HDAC4: variants seen among roughly 807,000 people sequenced by gnomAD.
The protein encoded by HDAC4 is histone deacetylase 4.
A neutral mutation model predicts 135.1 loss-of-function variants in HDAC4; 16 were observed. That is an observed-to-expected ratio of 0.12 (90% CI 0.08 to 0.18). The LOEUF (loss-of-function observed/expected upper bound fraction) is 0.18, where lower values mean the gene tolerates loss of function less well. HDAC4 is among the 10% of genes least tolerant of loss of function. The pLI is 1.00. For missense variants in HDAC4, 1,143 were observed against 1,511.8 expected, an observed-to-expected ratio of 0.76 and a Z score of 4.05; for synonymous variants, 685 against 653.4, an observed-to-expected ratio of 1.05 and a Z score of -0.74.
chr2:239,194,821 A>G (rs1450375114), intron 3 of HDAC4, among the ~76,000 whole-genome samples: 4 of 152,232 alleles, frequency 2.6e-5, no homozygotes, highest in African/African-American at 9.6e-5. Flanking sequence ...GCAGGCAGGC[A>G]GGGCTCCTTC....
At chr2:239,340,661 GTA>G (rs1350393159) in intron 2 of HDAC4, among the ~76,000 whole-genome samples, 1 of 152,200 alleles carries the variant, frequency 6.6e-6, no homozygotes, top group African/African-American at 2.4e-5. Context: ...ATGCTCACGT[GTA>G]TGTTTGTGTT....
At chr2:239,185,240 T>C (rs972162291) in intron 4 of HDAC4, among the ~76,000 whole-genome samples, 2 of 150,472 alleles carry the variant, frequency 1.3e-5, no homozygotes, top group African/African-American at 2.4e-5. Context: ...CTGTATCTCC[T>C]GGGAAGAGTT....
At chr2:239,066,645 G>A (rs559518955) in intron 24 of HDAC4, 77 bp downstream of exon 24, 2 of 1,603,356 alleles carry the variant, frequency 1.2e-6, no homozygotes, top group South Asian at 1.1e-5. Context: ...TCATGCTCTG[G>A]GGCTCTCGGG....
chr2:239,333,538 A>G lies in HDAC4; in HGVS notation c.22+19140T>C, dbSNP rs74333144. On this transcript the variant is annotated intron_variant, in intron 2 of 26. Transcript: ENST00000543185. The stretch of plus-strand genomic sequence containing the variant: ...ATAAGCAATGTAAATTCAACAGTAT[A>G]TAAAAAGAATAACACATTATAATAA... 4.1e-4 allele frequency among the ~76,000 whole-genome samples: 63 copies of G among 152,326 alleles called. 1 individual carries two copies. The East Asian group carries it at 8.1e-3, about 20-fold the overall frequency.
At chr2:239,136,275 G>T (rs550124841) in intron 9 of HDAC4, among the ~76,000 whole-genome samples, 1 of 152,306 alleles carries the variant, frequency 6.6e-6, no homozygotes, top group South Asian at 2.1e-4. Flanking sequence ...TCCCCCAGAT[G>T]AATGAGAAAA....
At chr2:239,315,516 G>T (rs991025363) in intron 2 of HDAC4, among the ~76,000 whole-genome samples, 2 of 152,084 alleles carry the variant, frequency 1.3e-5, no homozygotes, top group African/African-American at 4.8e-5. Context: ...GCTAAAACAC[G>T]CCTCAAAGCC....
At chr2:239,118,940 T>TG (rs1304481509) in intron 12 of HDAC4, among the ~76,000 whole-genome samples, 3 of 152,134 alleles carry the variant, frequency 2.0e-5, no homozygotes, top group South Asian at 2.1e-4. Context: ...AGAGGCCCTG[T>TG]GGGGGGCAGG....
intron 13 of HDAC4, 122 bp downstream of exon 13, chr2:239,114,931 C>T (rs1575077900): frequency 1.2e-5 from 14 of 1,183,604 alleles, no homozygotes; most frequent in Non-Finnish European, 1.7e-5. Context: ...ACAGGTGAGA[C>T]ACTGGACAGT....
At chr2:239,395,743 G>T (rs968070866) in intron 1 of HDAC4, among the ~76,000 whole-genome samples, 4 of 152,078 alleles carry the variant, frequency 2.6e-5, no homozygotes, top group African/African-American at 9.7e-5. Context: ...ACACATGGAG[G>T]ATGCCACAGT....
At chr2:239,348,731 G>A (rs748307821) in intron 2 of HDAC4, among the ~76,000 whole-genome samples, 2 of 152,202 alleles carry the variant, frequency 1.3e-5, no homozygotes, top group Admixed American at 6.5e-5. Flanking sequence ...GGCAAGGGGC[G>A]TAAGGCTCCA....
chr2:239,338,452 G>C (rs752421228), intron 2 of HDAC4, among the ~76,000 whole-genome samples: 3 of 152,010 alleles, frequency 2.0e-5, no homozygotes, highest in African/African-American at 7.3e-5. Context: ...TTCTCACACC[G>C]ACCTTCGTCC....
At chr2:239,277,152 T>C (rs2050417302) in intron 2 of HDAC4, among the ~76,000 whole-genome samples, 1 of 152,198 alleles carries the variant, frequency 6.6e-6, no homozygotes, top group Non-Finnish European at 1.5e-5. Context: ...GCACCTGGTA[T>C]AGTGGGGTCC....
chr2:239,366,193 C>T (rs985184767), intron 1 of HDAC4, among the ~76,000 whole-genome samples: 2 of 150,908 alleles, frequency 1.3e-5, no homozygotes, highest in African/African-American at 4.9e-5. Context: ...GTGACACATA[C>T]AGACATGCAT....
At chr2:239,107,388 A>T (rs913398030) in intron 15 of HDAC4, among the ~76,000 whole-genome samples, 1 of 152,228 alleles carries the variant, frequency 6.6e-6, no homozygotes, top group African/African-American at 2.4e-5. Flanking sequence ...CCTGGCGGCC[A>T]GGGAAACTGA....
chr2:239,198,300 A>G (rs1010100108), intron 3 of HDAC4, among the ~76,000 whole-genome samples: 2 of 152,166 alleles, frequency 1.3e-5, no homozygotes, highest in African/African-American at 4.8e-5. Context: ...CTGGTTCTCA[A>G]TGCCAGGCTT....
intron 1 of HDAC4, among the ~76,000 whole-genome samples, chr2:239,379,900 A>T (rs1695293256): frequency 6.6e-6 from 1 of 152,214 alleles, no homozygotes; most frequent in Non-Finnish European, 1.5e-5. Context: ...TGACAGTGGG[A>T]TAGGGAGACA....
intron 3 of HDAC4, among the ~76,000 whole-genome samples, chr2:239,214,685 A>T (rs1298920270): frequency 6.6e-6 from 1 of 152,240 alleles, no homozygotes; most frequent in Non-Finnish European, 1.5e-5. Flanking sequence ...TGATAGCTTT[A>T]AAGAGGTATA....
rs936936437 is a variant in HDAC4 at position 239,240,120 on chromosome 2, G to A, written c.23-3456C>T. The stretch of plus-strand genomic sequence containing the variant: ...GATCGAGAAGCCAAACACTAAAGGC[G>A]TTTTGCCAGAGGTGGCTGGTGGAAC... On this transcript the variant is annotated intron_variant, in intron 2 of 26. Coordinates refer to ENST00000543185, the MANE Select transcript of HDAC4 (RefSeq NM_001378414.1). The surrounding 1 kb of genome is among the most constrained non-coding windows in gnomAD (Gnocchi z 4.5). Among the ~76,000 whole-genome samples, 3 of 152,288 alleles carry A rather than the reference G, an allele frequency of 2.0e-5. No individual in the cohort carries two copies. Among genetic ancestry groups the A allele is most frequent in the Non-Finnish European group, 4.4e-5 (3 of 68,050 alleles).
At chr2:239,103,622 C>T (rs769910150) in intron 15 of HDAC4, among the ~76,000 whole-genome samples, 4 of 152,366 alleles carry the variant, frequency 2.6e-5, no homozygotes, top group Admixed American at 6.5e-5. Flanking sequence ...CAGGTGGCCC[C>T]GGTTGTGGCT....
Sources: gnomAD v4.1 joint callset for allele counts (sites outside exome capture counted in the v4.1 genomes callset) on GRCh38, gnomAD v4.1.1 for gene constraint, Gnocchi (gnomAD v3.1) non-coding constraint, MANE v1.5 for transcripts, NCBI Gene and HGNC (gene_info 2026-07-23, HGNC 2026-07-21) for gene names.